Variants in TESK2 observed in about 807,000 individuals in gnomAD.
TESK2 encodes testis associated actin remodelling kinase 2, also known as dual specificity testis-specific protein kinase 2.
In TESK2, 39 loss-of-function variants were observed where a neutral mutation model predicts 57.1. The ratio of observed to expected loss-of-function variants is 0.68; its 90% CI spans 0.53 to 0.89. The LOEUF is 0.89. Among genes scored for constraint, TESK2 ranks in the 40% least tolerant of loss-of-function variants. The pLI, the probability that TESK2 is intolerant of heterozygous loss-of-function variation, is 0.00. For synonymous variants in TESK2, 249 were observed against 267.9 expected (o/e 0.93, Z 0.69); for missense variants, 646 against 732.1 (o/e 0.88, Z 1.36).
chr1:45,380,815 A>G (rs1648621572), intron 4 of TESK2, among the ~76,000 whole-genome samples: 1 of 152,204 alleles, frequency 6.6e-6, no homozygotes, highest in African/African-American at 2.4e-5. Context: ...TAATACACCC[A>G]ATGACCAGGA....
chr1:45,369,968 C>G (rs1648108635), intron 4 of TESK2, among the ~76,000 whole-genome samples: 1 of 152,186 alleles, frequency 6.6e-6, no homozygotes, highest in Admixed American at 6.5e-5. Context: ...ACCTTGACCT[C>G]CCAAAGTGCT....
chr1:45,400,731 T>G (rs1649561459), intron 3 of TESK2, among the ~76,000 whole-genome samples: 1 of 151,872 alleles, frequency 6.6e-6, no homozygotes, highest in South Asian at 2.1e-4. Flanking sequence ...AACAAAGAAG[T>G]GAACGAAGAG....
chr1:45,358,310 C>T (rs1342642198), intron 4 of TESK2, among the ~76,000 whole-genome samples: 1 of 149,622 alleles, frequency 6.7e-6, no homozygotes, highest in Non-Finnish European at 1.5e-5. Context: ...GAGACTCCAT[C>T]TCAAAAAAAA....
chr1:45,423,616 T>C (rs1450702256), intron 2 of TESK2, among the ~76,000 whole-genome samples: 1 of 150,166 alleles, frequency 6.7e-6, no homozygotes, highest in African/African-American at 2.4e-5. Flanking sequence ...TAGAAAGAAG[T>C]CCGTGAACCT....
chr1:45,395,932 G>A (rs1182124571), intron 3 of TESK2, among the ~76,000 whole-genome samples: 5 of 151,816 alleles, frequency 3.3e-5, no homozygotes, highest in Non-Finnish European at 5.9e-5. Flanking sequence ...CTCTGAAGGA[G>A]GTTAAAAATA....
Position 45,376,619 on chromosome 1 carries a change from A to T in TESK2, c.393+9293T>A, listed in dbSNP as rs79903099. Among the ~76,000 whole-genome samples the T allele has an allele frequency of 9.6e-3, 1,469 of 152,288 alleles. 33 individuals carry two copies. Among genetic ancestry groups the T allele is most frequent in the Admixed American group, 0.046 (710 of 15,298 alleles). Reference sequence around the variant, plus strand: ...CATCAACTACAAACACACACTAAGCATATACTATGGGCCCAGCCACACAGA... The same window carrying T: ...CATCAACTACAAACACACACTAAGCTTATACTATGGGCCCAGCCACACAGA... On this transcript the variant is annotated intron_variant, in intron 4 of 10. Transcript: ENST00000372086.
intron 3 of TESK2, chr1:45,414,993 C>T (rs1391140824): frequency 8.1e-6 from 6 of 739,516 alleles, no homozygotes; most frequent in African/African-American, 7.0e-5. Flanking sequence ...GACACTGCTG[C>T]CACCGCCAGG....
intron 4 of TESK2, among the ~76,000 whole-genome samples, chr1:45,385,069 T>C (rs1200554585): frequency 6.6e-6 from 1 of 152,192 alleles, no homozygotes; most frequent in Non-Finnish European, 1.5e-5. Flanking sequence ...CAACTTTCCT[T>C]CCTAAGTTTC....
At chr1:45,476,159 G>C (rs1652981651) in intron 1 of TESK2, among the ~76,000 whole-genome samples, 1 of 152,088 alleles carries the variant, frequency 6.6e-6, no homozygotes, top group Non-Finnish European at 1.5e-5. Context: ...GACTAATACA[G>C]TAACAGAAAA....
At chr1:45,368,362 GT>G (rs150971438) in intron 4 of TESK2, among the ~76,000 whole-genome samples, 25 of 150,574 alleles carry the variant, frequency 1.7e-4, no homozygotes, top group Non-Finnish European at 3.0e-4. Context: ...TGTGTTTTTT[GT>G]TTTTTTTGGT....
intron 2 of TESK2, among the ~76,000 whole-genome samples, chr1:45,423,656 C>T (rs1650573957): frequency 6.6e-6 from 1 of 151,538 alleles, no homozygotes; most frequent in South Asian, 2.1e-4. Context: ...TAACTCTACC[C>T]AAAGCACCTT....
intron 4 of TESK2, among the ~76,000 whole-genome samples, chr1:45,379,917 C>T (rs1648587616): frequency 6.6e-6 from 1 of 151,862 alleles, no homozygotes; most frequent in African/African-American, 2.4e-5. Context: ...TAGGCAGAGT[C>T]TCGCTCTGTT....
rs535611800 is a variant in TESK2, at chr1:45,398,240, G to A, written c.345-12280C>T. 2.0e-3 allele frequency among the ~76,000 whole-genome samples: 304 copies of A among 151,542 alleles called. 1 individual carries two copies. Among genetic ancestry groups the A allele is most frequent in the Non-Finnish European group, 3.2e-3 (218 of 68,016 alleles). ...TGAATTCTTAAAATAGCTCTTTGAA[G>A]TTGGTTATAAGAATCTCTAGCTCAG... On this transcript the variant is annotated intron_variant, in intron 3 of 10. Transcript: ENST00000372086.
chr1:45,483,152 G>A (rs1653302595), intron 1 of TESK2, among the ~76,000 whole-genome samples: 1 of 150,800 alleles, frequency 6.6e-6, no homozygotes, highest in Non-Finnish European at 1.5e-5. Context: ...ATGGTAGCGG[G>A]TACCTGTAAT....
At chr1:45,429,483 A>C (rs897760012) in intron 2 of TESK2, among the ~76,000 whole-genome samples, 2 of 152,206 alleles carry the variant, frequency 1.3e-5, no homozygotes, top group African/African-American at 4.8e-5. Flanking sequence ...TTTCAATAAC[A>C]AAAGTGGCAT....
intron 3 of TESK2, among the ~76,000 whole-genome samples, chr1:45,416,740 C>A (rs1344511502): frequency 6.6e-6 from 1 of 151,968 alleles, no homozygotes; most frequent in African/African-American, 2.4e-5. Flanking sequence ...TTTCCTCCCC[C>A]ATCCCATCCA....
At position 45,483,572 on chromosome 1, in the gene TESK2, A is replaced by G. The variant is rs1653325895; in HGVS notation, c.-87+7280T>C. ...GTGCCATTGCACTACAGCCTGGGCAACAAGAACGAAACTCCGTCTCAGAAA... is the reference window on the plus strand; with the variant it reads ...GTGCCATTGCACTACAGCCTGGGCAGCAAGAACGAAACTCCGTCTCAGAAA... On this transcript the variant is annotated intron_variant, in intron 1 of 10. Coordinates refer to ENST00000372086, the MANE Select transcript of TESK2 (RefSeq NM_007170.3). Among the ~76,000 whole-genome samples, 3 of 151,540 alleles carry G rather than the reference A, an allele frequency of 2.0e-5. 1 individual carries two copies. Among genetic ancestry groups the G allele is most frequent in the Admixed American group, 2.0e-4 (3 of 15,164 alleles).
In TESK2 at chr1:45,346,722, A is replaced by G. The variant is rs1553141420; in HGVS notation, c.850T>C (p.Phe284Leu). 6.2e-7 allele frequency: 1 copy of G among 1,613,994 alleles called. No individual in the cohort carries two copies. Among genetic ancestry groups the G allele is most frequent in the South Asian group, 1.1e-5 (1 of 90,966 alleles). Residue 284 changes from phenylalanine (F) to leucine (L), a missense_variant, in exon 9 of 11, where the codon TTT (phenylalanine) becomes CTT (leucine). Coordinates refer to ENST00000372086, the MANE Select transcript of TESK2 (RefSeq NM_007170.3). Reference sequence around the variant, plus strand: ...CAGCAGTTGAAAGTAAGTTGCAGAAAATCTGGGGGACAGTCTCCCACCATG... The same window carrying G: ...CAGCAGTTGAAAGTAAGTTGCAGAAGATCTGGGGGACAGTCTCCCACCATG... ...QHMVGDCPPDFLQLTFNCCNM... is the reference protein window; with the variant it reads ...QHMVGDCPPDLLQLTFNCCNM...
intron 2 of TESK2, among the ~76,000 whole-genome samples, chr1:45,451,526 T>A (rs1440576923): frequency 6.6e-6 from 1 of 152,244 alleles, no homozygotes; most frequent in African/African-American, 2.4e-5. Context: ...CAGCACAAGG[T>A]AGGGTGGTAC....
Sources: allele counts gnomAD v4.1 joint callset (sites outside exome capture counted in the v4.1 genomes callset), GRCh38; gene constraint gnomAD v4.1.1; transcripts MANE v1.5; gene names NCBI Gene and HGNC (gene_info 2026-07-23, HGNC 2026-07-21).